Variants in CLUL1 observed in about 807,000 individuals in gnomAD.
The protein encoded by CLUL1 is clusterin like 1, also known as clusterin-like protein 1.
In CLUL1, 43 loss-of-function variants were observed where a neutral mutation model predicts 49.4. The observed-to-expected ratio is 0.87, with a 90% CI of 0.68 to 1.12. CLUL1 has a LOEUF of 1.12. Among genes scored for constraint, CLUL1 ranks in the 50% most tolerant of loss-of-function variants. The pLI is 0.00. For synonymous variants in CLUL1, 192 were observed against 184.9 expected, an observed-to-expected ratio of 1.04 and a Z score of -0.31; for missense variants, 486 against 544.4, an observed-to-expected ratio of 0.89 and a Z score of 1.07.
intron 2 of CLUL1, among the ~76,000 whole-genome samples, chr18:617,517 C>T (rs1275911588): frequency 1.3e-5 from 2 of 149,830 alleles, no homozygotes; most frequent in Non-Finnish European, 3.0e-5. Flanking sequence ...ATCACTTGAA[C>T]CTGGGAGGTG....
chr18:608,308 T>C (rs1271462044), intron 2 of CLUL1, among the ~76,000 whole-genome samples: 2 of 152,126 alleles, frequency 1.3e-5, no homozygotes, highest in Non-Finnish European at 2.9e-5. Context: ...TTTCCTCCCC[T>C]TACCCAAGTG....
At chr18:629,215 G>T (rs990084456) in intron 6 of CLUL1, among the ~76,000 whole-genome samples, 8 of 152,168 alleles carry the variant, frequency 5.3e-5, no homozygotes, top group African/African-American at 1.9e-4. Flanking sequence ...TCAATTATTT[G>T]GTCTGGTAGT....
At chr18:649,562 T>G (rs1238864563) in intron 9 of CLUL1, 1 of 187,692 alleles carries the variant, frequency 5.3e-6, no homozygotes, top group Non-Finnish European at 1.1e-5. Context: ...CAAAATTTGT[T>G]GACTAATGTA....
chr18:624,891 T>A lies in CLUL1; in HGVS notation c.282T>A (p.Val94=). The A allele has an allele frequency of 6.2e-7, 1 of 1,614,076 alleles. No homozygotes were observed. Among genetic ancestry groups the A allele is most frequent in the Non-Finnish European group, 8.5e-7 (1 of 1,179,996 alleles). The change falls in exon 5 of 10, where the codon GTT becomes GTA. Residue 94 remains valine, a synonymous_variant. Transcript: ENST00000692774. ...KQEALKLLNE[V]QEHLEEEERL... ...AGGCCCTGAAACTTCTGAATGAAGTTCAAGAACATCTGGAGGAAGAAGAAA... is the reference window on the plus strand; with the variant it reads ...AGGCCCTGAAACTTCTGAATGAAGTACAAGAACATCTGGAGGAAGAAGAAA...
intron 1 of CLUL1, among the ~76,000 whole-genome samples, chr18:604,614 C>T (rs984320598): frequency 5.3e-5 from 8 of 152,126 alleles, no homozygotes; most frequent in African/African-American, 1.9e-4. Context: ...AGTAATTTAA[C>T]ATAAACTATG....
intron 1 of CLUL1, among the ~76,000 whole-genome samples, chr18:602,011 AGGAGCTCAAGACCAGCTT>A (rs2072844911): frequency 6.6e-6 from 1 of 152,164 alleles, no homozygotes; most frequent in African/African-American, 2.4e-5. Flanking sequence ...ACTTGAGGCC[AGGAGCTCAAGACCAGCTT>A]GGGCAACAAA....
intron 7 of CLUL1, among the ~76,000 whole-genome samples, chr18:634,050 G>A (rs541833881): frequency 6.6e-6 from 1 of 152,294 alleles, no homozygotes; most frequent in South Asian, 2.1e-4. Context: ...CACAAGCATA[G>A]TGGATTCATT....
chr18:645,993 A>C (rs909468083), intron 9 of CLUL1, among the ~76,000 whole-genome samples: 5 of 151,314 alleles, frequency 3.3e-5, no homozygotes, highest in African/African-American at 1.2e-4. Flanking sequence ...CAAGAGCTTT[A>C]TTATCAGCTA....
At chr18:645,787 C>A (rs2074462571) in intron 9 of CLUL1, among the ~76,000 whole-genome samples, 1 of 35,246 alleles carries the variant, frequency 2.8e-5, no homozygotes, top group East Asian at 1.7e-3. Flanking sequence ...GAGCGAGACT[C>A]TGTTTAAAAA....
At chr18:619,756 G>C (rs1270732377) in intron 4 of CLUL1, among the ~76,000 whole-genome samples, 1 of 151,822 alleles carries the variant, frequency 6.6e-6, no homozygotes, top group Non-Finnish European at 1.5e-5. Context: ...GTCTCGCTCT[G>C]TCACCCAGGC....
At chr18:645,521 C>T (rs867249288) in intron 9 of CLUL1, among the ~76,000 whole-genome samples, 33 of 151,790 alleles carry the variant, frequency 2.2e-4, no homozygotes, top group South Asian at 1.0e-3. Flanking sequence ...GTTGGCCGGG[C>T]GCAGTGGCTC....
At chr18:645,182 C>A in intron 9 of CLUL1, 85 bp downstream of exon 9, 3 of 1,021,324 alleles carry the variant, frequency 2.9e-6, no homozygotes, top group Non-Finnish European at 4.2e-6. Flanking sequence ...TTTCCAAATA[C>A]CTGGAAAACA....
At position 620,364 on chromosome 18, in the gene CLUL1, G is replaced by GTT. The variant is rs879810757; in HGVS notation, c.255+1015_255+1016dup. On this transcript the variant is annotated intron_variant, in intron 4 of 9. Coordinates refer to ENST00000692774, the MANE Select transcript of CLUL1 (RefSeq NM_001393344.1). Reference sequence around the variant, plus strand: ...ATTATTCATTTTTAAAATCTGCCAAGTTTTTTTTTTTTTCAAGAATCTTGT... The same window carrying GTT: ...ATTATTCATTTTTAAAATCTGCCAAGTTTTTTTTTTTTTTTCAAGAATCTTGT... Among the ~76,000 whole-genome samples, 7 of 143,932 alleles carry GTT rather than the reference G, an allele frequency of 4.9e-5. 1 individual carries two copies. Among genetic ancestry groups the GTT allele is most frequent in the African/African-American group, 1.0e-4 (4 of 39,504 alleles). 94.4% of individuals were successfully genotyped at this position (143,932 alleles called of 152,430 possible).
At chr18:598,022 G>T (rs1360992879) in intron 1 of CLUL1, 1 of 152,130 alleles carries the variant, frequency 6.6e-6, no homozygotes, top group Non-Finnish European at 1.5e-5. Context: ...CTCTCCCTGG[G>T]ACTTTTCTCC....
At chr18:633,913 T>G (rs920427848) in intron 7 of CLUL1, among the ~76,000 whole-genome samples, 6 of 151,588 alleles carry the variant, frequency 4.0e-5, no homozygotes, top group African/African-American at 1.5e-4. Context: ...GAAATTAAGT[T>G]TAAAAGTAGA....
At chr18:612,088 T>C (rs1338329408) in intron 2 of CLUL1, among the ~76,000 whole-genome samples, 2 of 152,186 alleles carry the variant, frequency 1.3e-5, no homozygotes, top group East Asian at 1.9e-4. Context: ...CACCATTATC[T>C]CTTTCCTGGT....
rs533826795 is a variant in CLUL1 at position 609,897 on chromosome 18, C to G, written c.-14+2798C>G. Among the ~76,000 whole-genome samples the G allele has an allele frequency of 1.3e-4, 20 of 150,896 alleles. No individual in the cohort carries two copies. In the South Asian group the frequency reaches 4.2e-3, roughly 32 times the overall value. ...GGATTTTGCATTAAGTGTGTTCAAG[C>G]TGAAAAGAAAATCCGATTTGCTCAG... On this transcript the variant is annotated intron_variant, in intron 2 of 9. Coordinates refer to ENST00000692774, the MANE Select transcript of CLUL1 (RefSeq NM_001393344.1).
intron 1 of CLUL1, among the ~76,000 whole-genome samples, chr18:602,323 C>T (rs2072855284): frequency 6.6e-6 from 1 of 152,122 alleles, no homozygotes; most frequent in African/African-American, 2.4e-5. Flanking sequence ...CCCTCTCCTC[C>T]AGATCTATTC....
At chr18:635,309 T>C (rs569493561) in intron 7 of CLUL1, among the ~76,000 whole-genome samples, 2 of 152,122 alleles carry the variant, frequency 1.3e-5, no homozygotes, top group Non-Finnish European at 2.9e-5. Context: ...ACCCTTTGCA[T>C]GCACAGTTCA....
Sources: allele counts gnomAD v4.1 joint callset (sites outside exome capture counted in the v4.1 genomes callset), GRCh38; gene constraint gnomAD v4.1.1; transcripts MANE v1.5; gene names NCBI Gene and HGNC (gene_info 2026-07-23, HGNC 2026-07-21).